Variants in SUSD1 observed in about 807,000 individuals in gnomAD.
SUSD1 encodes the protein sushi domain-containing protein 1.
A neutral mutation model predicts 86.9 loss-of-function variants in SUSD1; 65 were observed. The ratio of observed to expected loss-of-function variants is 0.75; its 90% CI spans 0.61 to 0.92. SUSD1 has a LOEUF of 0.92. SUSD1 is among the 40% of genes least tolerant of loss of function. SUSD1 has a pLI of 0.00. For synonymous variants in SUSD1, 346 were observed against 350.0 expected, an observed-to-expected ratio of 0.99 and a Z score of 0.13; for missense variants, 850 against 929.7, an observed-to-expected ratio of 0.91 and a Z score of 1.11.
chr9:112,156,027 G>C (rs1833295427), intron 2 of SUSD1, among the ~76,000 whole-genome samples: 1 of 151,484 alleles, frequency 6.6e-6, no homozygotes, highest in Non-Finnish European at 1.5e-5. Flanking sequence ...GGGAGAGAGA[G>C]AGAAGGAAGA....
chr9:112,135,649 A>G (rs531714827), intron 5 of SUSD1, among the ~76,000 whole-genome samples: 1 of 152,332 alleles, frequency 6.6e-6, no homozygotes, highest in Admixed American at 6.5e-5. Flanking sequence ...TAAATAAATA[A>G]GGTAAAGTAA....
At chr9:112,095,750 GTCAGAAATGGAGACA>G (rs1464404384) in intron 10 of SUSD1, among the ~76,000 whole-genome samples, 2 of 152,196 alleles carry the variant, frequency 1.3e-5, no homozygotes, top group Non-Finnish European at 2.9e-5. Context: ...AGAGAAAAGA[GTCAGAAATGGAGACA>G]GGGAAGGAAG....
At chr9:112,154,795 T>A (rs112932072) in intron 2 of SUSD1, among the ~76,000 whole-genome samples, 25 of 152,302 alleles carry the variant, frequency 1.6e-4, no homozygotes, top group African/African-American at 5.5e-4. Flanking sequence ...TAATACCATG[T>A]TATAGCACCT....
At chr9:112,129,703 T>C (rs1589696657) in intron 5 of SUSD1, among the ~76,000 whole-genome samples, 1 of 152,250 alleles carries the variant, frequency 6.6e-6, no homozygotes, top group African/African-American at 2.4e-5. Context: ...TATGAATACA[T>C]GCCTTCCCGA....
At chr9:112,080,681 C>T (rs1462638773) in intron 10 of SUSD1, among the ~76,000 whole-genome samples, 1 of 130,896 alleles carries the variant, frequency 7.6e-6, no homozygotes, top group South Asian at 2.4e-4. Context: ...GAGTGAGACT[C>T]TGTCTCAAGA....
chr9:112,066,667 T>C (rs984257528), intron 12 of SUSD1, among the ~76,000 whole-genome samples: 1 of 152,178 alleles, frequency 6.6e-6, no homozygotes, highest in South Asian at 2.1e-4. Context: ...TCTTTTCATA[T>C]GTTACATACT....
rs1281071940 is a variant in SUSD1 at position 112,175,245 on chromosome 9, G to A, written c.-10C>T. Reference sequence around the variant, plus strand: ...AGGGCCCCCGGCCCATGCCGCCGCCGGTCCCTCCCGGCGCGCCCGCGCCTC... The same window carrying A: ...AGGGCCCCCGGCCCATGCCGCCGCCAGTCCCTCCCGGCGCGCCCGCGCCTC... On this transcript the variant is annotated 5_prime_UTR_variant, in exon 1 of 17. Transcript: ENST00000374270. This position sits in a 1 kb window ranked among gnomAD's most constrained non-coding sequence, Gnocchi z 4.7. The A allele has an allele frequency of 8.8e-7, 1 of 1,142,070 alleles. No homozygotes were observed. Among genetic ancestry groups the A allele is most frequent in the Non-Finnish European group, 1.1e-6 (1 of 931,180 alleles). The allele number at this position is 1,142,070 out of a possible 1,614,324, so 70.7% of individuals were successfully genotyped here.
chr9:112,051,113 C>T (rs1365712507), intron 15 of SUSD1, among the ~76,000 whole-genome samples: 1 of 152,200 alleles, frequency 6.6e-6, no homozygotes, highest in Non-Finnish European at 1.5e-5. Flanking sequence ...CTGTACATTG[C>T]TTTATCTTTT....
chr9:112,043,660 G>A (rs747922207), intron 15 of SUSD1, among the ~76,000 whole-genome samples: 28 of 152,030 alleles, frequency 1.8e-4, no homozygotes, highest in African/African-American at 5.6e-4. Flanking sequence ...CTCATTGGGC[G>A]GTTACTAATT....
chr9:112,044,793 G>A (rs1449294502), intron 15 of SUSD1, among the ~76,000 whole-genome samples: 1 of 152,204 alleles, frequency 6.6e-6, no homozygotes, highest in African/African-American at 2.4e-5. Flanking sequence ...TTAAGAGAAT[G>A]AGAGATTTAA....
chr9:112,063,155 C>G, intron 12 of SUSD1, 122 bp from the exon 13 acceptor site: 2 of 541,216 alleles, frequency 3.7e-6, no homozygotes, highest in Non-Finnish European at 6.7e-6. Flanking sequence ...GGAGCCTATT[C>G]TGTACATGCC....
chr9:112,164,017 T>TA lies in SUSD1; in HGVS notation c.104-6405dup, dbSNP rs546741771. 1.0e-3 allele frequency among the ~76,000 whole-genome samples: 153 copies of TA among 150,332 alleles called. 1 individual carries two copies. In the East Asian group the frequency reaches 0.015, roughly 15 times the overall value. On this transcript the variant is annotated intron_variant, in intron 1 of 16. Transcript: ENST00000374270. ...CTCTGTCTCAAAAAAAAAATAAAAA[T>TA]AAAAAAAATAAAAAAACTTAATATC...
At chr9:112,092,068 T>C (rs917714708) in intron 10 of SUSD1, among the ~76,000 whole-genome samples, 2 of 152,178 alleles carry the variant, frequency 1.3e-5, no homozygotes, top group African/African-American at 4.8e-5. Context: ...CACAGAACAA[T>C]TGCTCCCTGG....
Position 112,143,476 on chromosome 9 carries a change from C to T in SUSD1, c.521G>A (p.Cys174Tyr). 6.2e-7 allele frequency: 1 copy of T among 1,612,982 alleles called. No homozygotes were observed. Among genetic ancestry groups the T allele is most frequent in the Non-Finnish European group, 8.5e-7 (1 of 1,179,652 alleles). ...AATTTTTGGCAGAAACCCACCTGTG[C>T]ATGATGTGGCATCGGTGGTCGGGTG... ...PFHPTTDATS[C>Y]TEIDCGTPPE... Residue 174 changes from cysteine to tyrosine, a missense_variant, in exon 4 of 17, where the codon TGC becomes TAC. Coordinates refer to ENST00000374270, the MANE Select transcript of SUSD1 (RefSeq NM_022486.5).
At position 112,111,686 on chromosome 9, in the gene SUSD1, G is replaced by C. The variant is rs1395957535; in HGVS notation, c.1139C>G (p.Ser380Trp). 1.9e-6 allele frequency: 3 copies of C among 1,614,008 alleles called. No homozygotes were observed. Among genetic ancestry groups the C allele is most frequent in the Admixed American group, 1.7e-5 (1 of 59,978 alleles). Residue 380 changes from serine to tryptophan, a missense_variant, in exon 8 of 17, where the codon TCG becomes TGG. Physicochemically the swap from Ser to Trp is radical, Grantham distance 177 (BLOSUM62 -3). Transcript: ENST00000374270. ...CTGGAAACCGATGACGGCTGGCATC[G>C]AGCGCCTGGGAGGTGCTGTGGAGAT... ...VNISTAPPRRSMPAVIGFQTA... is the reference protein window; with the variant it reads ...VNISTAPPRRWMPAVIGFQTA...
intron 8 of SUSD1, among the ~76,000 whole-genome samples, chr9:112,106,524 T>C (rs908793378): frequency 6.6e-6 from 1 of 151,754 alleles, no homozygotes; most frequent in African/African-American, 2.4e-5. Flanking sequence ...GAAATAGAGA[T>C]AGAGAAATAA....
chr9:112,119,897 C>T (rs1054768117), intron 6 of SUSD1, among the ~76,000 whole-genome samples: 1 of 152,146 alleles, frequency 6.6e-6, no homozygotes, highest in African/African-American at 2.4e-5. Context: ...GGCTTCCTTA[C>T]AAACAACCCA....
intron 9 of SUSD1, among the ~76,000 whole-genome samples, chr9:112,100,366 T>C (rs1487045202): frequency 2.6e-5 from 4 of 151,982 alleles, no homozygotes; most frequent in Admixed American, 2.0e-4. Flanking sequence ...TTTTGTATTT[T>C]TAGTAGAGAT....
At chr9:112,042,091 C>T in intron 15 of SUSD1, 131 bp from the exon 16 acceptor site, 1 of 1,544,726 alleles carries the variant, frequency 6.5e-7, no homozygotes. Context: ...CCCAAGAATG[C>T]CCAACATGCC....
Sources: allele counts gnomAD v4.1 joint callset (sites outside exome capture counted in the v4.1 genomes callset), GRCh38; gene constraint gnomAD v4.1.1; non-coding constraint Gnocchi (gnomAD v3.1); transcripts MANE v1.5; gene names NCBI Gene and HGNC (gene_info 2026-07-23, HGNC 2026-07-21).